The following NAV1 variants were observed in gnomAD, a reference collection of about 807,000 sequenced individuals.
NAV1 encodes the protein neuron navigator 1.
A neutral mutation model predicts 175.2 loss-of-function variants in NAV1; 18 were observed. That is an observed-to-expected ratio of 0.10 (90% confidence interval 0.07 to 0.15). The LOEUF (loss-of-function observed/expected upper bound fraction) is 0.15. Among genes scored for constraint, NAV1 ranks in the 10% least tolerant of loss-of-function variants. The probability of loss-of-function intolerance (pLI) is 1.00; values close to 1 mark genes in which losing one functional copy is unlikely to be tolerated. For missense variants in NAV1, 1,731 were observed against 2,436.6 expected, an observed-to-expected ratio of 0.71 and a Z score of 6.10; for synonymous variants, 897 against 978.7, an observed-to-expected ratio of 0.92 and a Z score of 1.56.
In NAV1 at chr1:201,623,556, C is replaced by T. The variant is rs1668238213; in HGVS notation, c.-151C>T. The T allele has an allele frequency of 4.1e-6, 4 of 986,460 alleles. No homozygotes were observed. In the South Asian group the frequency reaches 1.4e-4, roughly 35 times the overall value. The allele number at this position is 986,460 out of a possible 1,614,324, so 61.1% of individuals were successfully genotyped here. On this transcript the variant is annotated 5_prime_UTR_variant, in exon 1 of 30. Coordinates refer to the NAV1 transcript ENST00000367302. ...CGGGGGCCATTAGCTTCTCCTCAGTCCATCAGCAGAGTCAGCCAGTCACAG... is the reference window on the plus strand; with the variant it reads ...CGGGGGCCATTAGCTTCTCCTCAGTTCATCAGCAGAGTCAGCCAGTCACAG...
At position 201,810,154 on chromosome 1, in the gene NAV1, C is replaced by T. The variant is rs1376401807; in HGVS notation, c.4561+49C>T. On this transcript the variant is annotated intron_variant, in intron 23 of 29. Coordinates refer to ENST00000367296, the Ensembl canonical transcript of NAV1. This position sits in a 1 kb window ranked among gnomAD's most constrained non-coding sequence, Gnocchi z 6.0. ...AGGTGGTGTGGCATGAAGGCAGGGA[C>T]AGGATCATCAAATAATCCATCATGC... The T allele has an allele frequency of 1.3e-6, 2 of 1,594,356 alleles. No homozygotes were observed. Among genetic ancestry groups the T allele is most frequent in the East Asian group, 4.5e-5 (2 of 44,494 alleles).
intron 1 of NAV1, among the ~76,000 whole-genome samples, chr1:201,551,672 C>T (rs1665859116): frequency 6.6e-6 from 1 of 152,192 alleles, no homozygotes; most frequent in Non-Finnish European, 1.5e-5. Context: ...TCAATAAAAG[C>T]TACTTTAAAG....
chr1:201,821,551 C>CACACAG (rs1491448398), exon 30 of NAV1: 1 of 138,884 alleles, frequency 7.2e-6, no homozygotes, highest in African/African-American at 2.7e-5. Context: ...CACACACACA[C>CACACAG]AAGACCTGGG....
Position 201,606,298 on chromosome 1 carries a change from G to T in NAV1, c.-32-16555G>T, listed in dbSNP as rs550705722. Among the ~76,000 whole-genome samples the T allele has an allele frequency of 2.0e-5, 3 of 152,284 alleles. No homozygotes were observed. The East Asian group carries it at 5.8e-4, about 29-fold the overall frequency. On this transcript the variant is annotated intron_variant, in intron 2 of 33. Coordinates refer to the NAV1 transcript ENST00000685211. Reference sequence around the variant, plus strand: ...CTCCTCTCCTGTGGGCAAAACAGGGGGCTACCTGGTCTGTCTTTATTGTTC... The same window carrying T: ...CTCCTCTCCTGTGGGCAAAACAGGGTGCTACCTGGTCTGTCTTTATTGTTC...
chr1:201,739,851 A>G, intron 3 of NAV1: 2 of 1,271,582 alleles, frequency 1.6e-6, no homozygotes, highest in Non-Finnish European at 2.0e-6. Context: ...AGCCGTAAGT[A>G]CAAGCCCTGG....
At chr1:201,713,668 G>A (rs1189852129) in intron 2 of NAV1, among the ~76,000 whole-genome samples, 1 of 152,210 alleles carries the variant, frequency 6.6e-6, no homozygotes, top group Non-Finnish European at 1.5e-5. Flanking sequence ...CTAAGCTCTG[G>A]GGACAGCGGG....
chr1:201,632,119 GCA>G (rs1216154007), intron 2 of NAV1, among the ~76,000 whole-genome samples: 1 of 152,196 alleles, frequency 6.6e-6, no homozygotes, highest in African/African-American at 2.4e-5. Context: ...GGGGGTGAGT[GCA>G]GAGTCTTTGA....
Position 201,811,497 on chromosome 1 carries a change from C to T in NAV1, c.4798-106C>T, listed in dbSNP as rs575168404. ...AATCAAATTTGCAAGGAACTAAAGG[C>T]CCCAGGGGAATCTAGATCTAGTAAG... On this transcript the variant is annotated intron_variant, in intron 24 of 29. Transcript: ENST00000367296. 36 of 1,370,052 alleles carry T rather than the reference C, an allele frequency of 2.6e-5. 1 individual carries two copies. Among genetic ancestry groups the T allele is most frequent in the African/African-American group, 8.6e-5 (6 of 69,412 alleles). The allele number at this position is 1,370,052 out of a possible 1,614,324, so 84.9% of individuals were successfully genotyped here.
intron 1 of NAV1, among the ~76,000 whole-genome samples, chr1:201,685,835 C>G (rs1043533476): frequency 6.6e-6 from 1 of 152,196 alleles, no homozygotes; most frequent in Non-Finnish European, 1.5e-5. Flanking sequence ...CGTATCCACG[C>G]TGAACCCCGT....
chr1:201,728,486 T>TG (rs1321967206), intron 3 of NAV1, among the ~76,000 whole-genome samples: 1 of 150,940 alleles, frequency 6.6e-6, no homozygotes, highest in Non-Finnish European at 1.5e-5. Flanking sequence ...CCTGGCTCCT[T>TG]GGGAGGCTGA....
chr1:201,735,203 C>T (rs1205269986), intron 3 of NAV1, among the ~76,000 whole-genome samples: 4 of 152,188 alleles, frequency 2.6e-5, no homozygotes, highest in Non-Finnish European at 5.9e-5. Flanking sequence ...AGGGAGTTGG[C>T]AAGAAGTGGT....
chr1:201,803,731 G>A lies in NAV1; in HGVS notation c.3639+17G>A. 1.4e-6 allele frequency: 2 copies of A among 1,463,868 alleles called. No individual in the cohort carries two copies. The highest frequency in any genetic ancestry group is 1.8e-6 in the Non-Finnish European group (2 of 1,110,546). 90.7% of individuals were successfully genotyped at this position (1,463,868 alleles called of 1,614,324 possible). ...AAGAGTTGGGTAGGTAAAGGTTTGG[G>A]GGGTGGGAAGTAGGTAGAACCGTGG... On this transcript the variant is annotated intron_variant, in intron 16 of 29. Coordinates refer to ENST00000367296, the Ensembl canonical transcript of NAV1.
At chr1:201,681,533 G>A (rs1273300749) in intron 1 of NAV1, among the ~76,000 whole-genome samples, 1 of 152,198 alleles carries the variant, frequency 6.6e-6, no homozygotes, top group Admixed American at 6.5e-5. Context: ...TGGGAACATT[G>A]CTTCCTGTTC....
At chr1:201,789,948 G>C (rs187536592) in intron 11 of NAV1, among the ~76,000 whole-genome samples, 156 bp downstream of exon 15, 2 of 152,144 alleles carry the variant, frequency 1.3e-5, no homozygotes, top group Non-Finnish European at 2.9e-5. Context: ...GGCACCTAGA[G>C]CTTGTAGCAT....
intron 2 of NAV1, 177 bp downstream of exon 4, chr1:201,629,684 C>G (rs1668431550): frequency 2.8e-6 from 1 of 358,864 alleles, no homozygotes. Context: ...GTTGGTCCAT[C>G]AAACCCAGGA....
intron 3 of NAV1, among the ~76,000 whole-genome samples, chr1:201,763,190 T>C (rs1234479172): frequency 6.6e-6 from 1 of 152,246 alleles, no homozygotes; most frequent in Non-Finnish European, 1.5e-5. Flanking sequence ...TCAAACTTTC[T>C]AAAGATTTTG....
chr1:201,770,602 C>G (rs1675511169), intron 3 of NAV1, among the ~76,000 whole-genome samples: 3 of 152,132 alleles, frequency 2.0e-5, no homozygotes, highest in Admixed American at 2.0e-4. Context: ...AAGAGAAGAG[C>G]CATTCCTAGG....
Position 201,810,795 on chromosome 1 carries a change from A to T in NAV1, c.4797+37A>T. The T allele has an allele frequency of 1.3e-6, 2 of 1,547,090 alleles. No individual in the cohort carries two copies. Among genetic ancestry groups the T allele is most frequent in the Non-Finnish European group, 1.8e-6 (2 of 1,124,202 alleles). On this transcript the variant is annotated intron_variant, in intron 24 of 29. Coordinates refer to ENST00000367296, the Ensembl canonical transcript of NAV1. The surrounding 1 kb of genome is among the most constrained non-coding windows in gnomAD (Gnocchi z 6.0). ...CCGACACCCCTGCCAGCCTTTGTTC[A>T]TGCCTCAGCCTTCCCTAAGACCCTT...
At chr1:201,545,252 T>G (rs897274200) in intron 1 of NAV1, among the ~76,000 whole-genome samples, 8 of 152,166 alleles carry the variant, frequency 5.3e-5, no homozygotes, top group Non-Finnish European at 8.8e-5. Flanking sequence ...AAAAATACAG[T>G]CAAAGAGTGA....
Sources: gnomAD v4.1 joint callset for allele counts (sites outside exome capture counted in the v4.1 genomes callset) on GRCh38, gnomAD v4.1.1 for gene constraint, Gnocchi (gnomAD v3.1) non-coding constraint, MANE v1.5 for transcripts, NCBI Gene and HGNC (gene_info 2026-07-23, HGNC 2026-07-21) for gene names.